SNAP47: variants seen among roughly 807,000 people sequenced by gnomAD.
SNAP47 encodes the protein synaptosomal-associated protein 47.
SNAP47 carries 20 observed loss-of-function variants against 31.4 expected under a neutral mutation model. The ratio of observed to expected loss-of-function variants is 0.64; its 90% CI spans 0.45 to 0.93. The LOEUF (loss-of-function observed/expected upper bound fraction) is 0.93, where lower values mean the gene tolerates loss of function less well. SNAP47 is among the 40% of genes least tolerant of loss of function. The probability of loss-of-function intolerance (pLI) is 0.00; values close to 1 mark genes in which losing one functional copy is unlikely to be tolerated. For synonymous variants in SNAP47, 194 were observed against 213.4 expected (o/e 0.91, Z 0.79); for missense variants, 492 against 528.5 (o/e 0.93, Z 0.68).
intron 1 of SNAP47, among the ~76,000 whole-genome samples, chr1:227,736,021 CAG>C (rs1661125549): frequency 6.8e-6 from 1 of 147,218 alleles, no homozygotes; most frequent in African/African-American, 2.5e-5. Context: ...CTGGAGGGGA[CAG>C]TGGGGATTTG....
At chr1:227,764,577 G>T (rs1430217033) in intron 3 of SNAP47, among the ~76,000 whole-genome samples, 2 of 152,084 alleles carry the variant, frequency 1.3e-5, no homozygotes, top group East Asian at 1.9e-4. Flanking sequence ...AGACCAGCCT[G>T]GGTAACATAT....
rs2281707 is a variant in SNAP47 at position 227,759,454 on chromosome 1, C to G, written c.957C>G (p.Pro319=). ...LVLRSARTSS[P]AEKSCSVWHA... ...TCAGAAGCGCAAGAACCTCTTCCCC[C>G]GCAGAGAAGAGCTGCTCAGTCTGGC... The change falls in exon 3 of 5, where the codon CCC becomes CCG. Residue 319 remains proline (P), a synonymous_variant. Coordinates refer to ENST00000617596, the MANE Select transcript of SNAP47 (RefSeq NM_053052.4). 7 of 1,614,136 alleles carry G rather than the reference C, an allele frequency of 4.3e-6. No homozygotes were observed. The African/African-American group carries it at 9.3e-5, about 22-fold the overall frequency.
chr1:227,759,591 T>C, intron 3 of SNAP47, 106 bp downstream of exon 3: 1 of 1,458,036 alleles, frequency 6.9e-7, no homozygotes, highest in Non-Finnish European at 9.3e-7. Context: ...CTAGAGCAGC[T>C]GCTGGCCTCC....
chr1:227,780,640 C>T lies in SNAP47; in HGVS notation c.1227C>T (p.Asp409=), dbSNP rs766365494. 5.0e-6 allele frequency: 8 copies of T among 1,614,092 alleles called. No individual in the cohort carries two copies. The African/African-American group carries it at 6.7e-5, about 13-fold the overall frequency. The part of the protein sequence containing the change: ...AAVDRATLTI[D]KHNRRMKRLT ...TGGACAGGGCAACCTTGACCATCGACAAGCACAACAGGCGGATGAAGAGGC... is the reference window on the plus strand; with the variant it reads ...TGGACAGGGCAACCTTGACCATCGATAAGCACAACAGGCGGATGAAGAGGC... Residue 409 remains aspartate, a synonymous_variant, in exon 5 of 5, where the codon GAC becomes GAT. Transcript: ENST00000617596.
chr1:227,737,139 G>A (rs887142314), intron 1 of SNAP47, among the ~76,000 whole-genome samples: 16 of 152,236 alleles, frequency 1.1e-4, no homozygotes, highest in Non-Finnish European at 1.6e-4. Flanking sequence ...CGAAAGTGGG[G>A]CCATGGGGGA....
intron 4 of SNAP47, among the ~76,000 whole-genome samples, chr1:227,774,470 T>C (rs575508260): frequency 1.8e-4 from 27 of 152,274 alleles, no homozygotes; most frequent in African/African-American, 6.3e-4. Flanking sequence ...GGGTCAGCAC[T>C]GTGGCTGCTG....
chr1:227,754,725 A>C (rs1286310427), intron 2 of SNAP47, among the ~76,000 whole-genome samples: 8 of 152,182 alleles, frequency 5.3e-5, no homozygotes, highest in Admixed American at 5.2e-4. Flanking sequence ...CAGGAGGCAC[A>C]GGAGCATTGC....
chr1:227,768,922 T>C (rs977056196), intron 4 of SNAP47, among the ~76,000 whole-genome samples: 3 of 152,234 alleles, frequency 2.0e-5, no homozygotes, highest in Non-Finnish European at 4.4e-5. Context: ...CCCACGGTTG[T>C]GTTTAGACTG....
chr1:227,732,349 G>A (rs1660712360), upstream of SNAP47: 1 of 1,599,364 alleles, frequency 6.3e-7, no homozygotes, highest in Non-Finnish European at 8.5e-7. Flanking sequence ...CGGAGCAGGA[G>A]GCTGCCTCTC....
chr1:227,737,636 C>T (rs1445884636), intron 1 of SNAP47, among the ~76,000 whole-genome samples: 2 of 152,112 alleles, frequency 1.3e-5, no homozygotes, highest in African/African-American at 4.8e-5. Context: ...CTGAGCCTTG[C>T]TGGAAGACTC....
At chr1:227,751,479 T>C (rs963061996) in intron 2 of SNAP47, among the ~76,000 whole-genome samples, 5 of 152,198 alleles carry the variant, frequency 3.3e-5, no homozygotes, top group Non-Finnish European at 5.9e-5. Context: ...CTCAGAGTTC[T>C]TTCCCGCCAG....
At chr1:227,759,636 A>T in intron 3 of SNAP47, 151 bp downstream of exon 3, 1 of 983,534 alleles carries the variant, frequency 1.0e-6, no homozygotes. Context: ...TTTATACATA[A>T]AAACAATTCC....
chr1:227,757,112 A>T (rs1260993445), intron 2 of SNAP47, among the ~76,000 whole-genome samples: 2 of 152,050 alleles, frequency 1.3e-5, no homozygotes, highest in African/African-American at 4.8e-5. Flanking sequence ...CTCACATTTG[A>T]GTTCTGGGAT....
At position 227,760,126 on chromosome 1, in the gene SNAP47, A is replaced by T. The variant is rs373097645; in HGVS notation, c.988+641A>T. 8.5e-5 allele frequency among the ~76,000 whole-genome samples: 13 copies of T among 152,304 alleles called. 1 individual carries two copies. The South Asian group carries it at 2.1e-3, about 24-fold the overall frequency. On this transcript the variant is annotated intron_variant, in intron 3 of 4. Transcript: ENST00000617596. ...ATTACCCAGTCTCAGGTGCTCAGTT[A>T]TGGTGATGCAGAACCTGCTACGACA...
intron 2 of SNAP47, among the ~76,000 whole-genome samples, chr1:227,751,967 G>A (rs1002812803): frequency 3.3e-5 from 5 of 151,880 alleles, no homozygotes; most frequent in Non-Finnish European, 2.9e-5. Flanking sequence ...GGGTTTCACC[G>A]TGTTAACCAG....
At chr1:227,743,315 A>T (rs1661742212) in intron 1 of SNAP47, among the ~76,000 whole-genome samples, 1 of 152,090 alleles carries the variant, frequency 6.6e-6, no homozygotes, top group African/African-American at 2.4e-5. Flanking sequence ...GGCCAGCCTT[A>T]AATCTCCTAG....
chr1:227,763,605 G>A lies in SNAP47; in HGVS notation c.989-3354G>A, dbSNP rs1028470562. Reference sequence around the variant, plus strand: ...GGGCTCGGGTTGGGCTGACTGGGGAGCCTGGGGGTACTGCATCAGCTGGCC... The same window carrying A: ...GGGCTCGGGTTGGGCTGACTGGGGAACCTGGGGGTACTGCATCAGCTGGCC... On this transcript the variant is annotated intron_variant, in intron 3 of 4. Transcript: ENST00000617596. The surrounding 1 kb of genome is among the most constrained non-coding windows in gnomAD (Gnocchi z 4.2). 2.0e-5 allele frequency among the ~76,000 whole-genome samples: 3 copies of A among 152,202 alleles called. No homozygotes were observed. The highest frequency in any genetic ancestry group is 6.5e-5 in the Admixed American group (1 of 15,288).
At chr1:227,733,833 C>T, upstream of SNAP47, 3 of 1,598,126 alleles carry the variant, frequency 1.9e-6, no homozygotes, top group South Asian at 3.3e-5. Flanking sequence ...AGCCCCCCTC[C>T]TGCCACCCTG....
rs377700574 is a variant in SNAP47 at position 227,758,955 on chromosome 1, T to C, written c.498-40T>C. 6 of 1,543,846 alleles carry C rather than the reference T, an allele frequency of 3.9e-6. No homozygotes were observed. The African/African-American group carries it at 6.9e-5, about 18-fold the overall frequency. On this transcript the variant is annotated intron_variant, in intron 2 of 4. Transcript: ENST00000617596. ...AAAAAAAGGTATTACTCCTTAAAAA[T>C]GAACTGATCCAGTTTTCCATGTTTT...
Sources: allele counts gnomAD v4.1 joint callset (sites outside exome capture counted in the v4.1 genomes callset), GRCh38; gene constraint gnomAD v4.1.1; non-coding constraint Gnocchi (gnomAD v3.1); transcripts MANE v1.5; gene names NCBI Gene and HGNC (gene_info 2026-07-23, HGNC 2026-07-21).